The following ZBTB20 variants were observed in gnomAD, a reference collection of about 807,000 sequenced individuals.
The protein encoded by ZBTB20 is zinc finger and BTB domain-containing protein 20.
In ZBTB20, 9 loss-of-function variants were observed where a neutral mutation model predicts 56.9. The observed-to-expected ratio is 0.16, with a 90% CI of 0.10 to 0.28. The LOEUF is 0.28. Ranked by LOEUF, ZBTB20 falls within the 10% of genes least tolerant of loss-of-function variation. The pLI, the probability that ZBTB20 is intolerant of heterozygous loss-of-function variation, is 1.00. For synonymous variants in ZBTB20, 417 were observed against 420.7 expected (o/e 0.99, Z 0.11); for missense variants, 655 against 1,003.0 (o/e 0.65, Z 4.69).
At chr3:114,654,857 A>G (rs1339377475) in intron 6 of ZBTB20, among the ~76,000 whole-genome samples, 1 of 152,190 alleles carries the variant, frequency 6.6e-6, no homozygotes, top group Admixed American at 6.5e-5. Flanking sequence ...TGACTTATGC[A>G]TTCATGATAA....
intron 1 of ZBTB20, chr3:115,100,494 A>G (rs1239760039): frequency 6.6e-6 from 1 of 152,542 alleles, no homozygotes; most frequent in East Asian, 1.9e-4. Context: ...AAGCCCTCCT[A>G]CCAGACAGCA....
chr3:115,120,908 A>G (rs1560587901), intron 1 of ZBTB20, among the ~76,000 whole-genome samples: 1 of 152,088 alleles, frequency 6.6e-6, no homozygotes, highest in South Asian at 2.1e-4. Context: ...CTGCTATGGC[A>G]AAAAATAGCC....
At chr3:115,059,853 T>A (rs2081953933) in intron 2 of ZBTB20, among the ~76,000 whole-genome samples, 1 of 152,190 alleles carries the variant, frequency 6.6e-6, no homozygotes, top group Non-Finnish European at 1.5e-5. Flanking sequence ...CCCTATTATG[T>A]CATACAAATT....
chr3:115,087,588 C>T (rs16823496), intron 1 of ZBTB20, among the ~76,000 whole-genome samples: 13,319 of 151,820 alleles, frequency 0.088, 1,711 homozygotes, highest in African/African-American at 0.28. Flanking sequence ...AGCAAAAAAG[C>T]TGGATTGTCC....
chr3:115,092,516 C>T (rs773581124), intron 1 of ZBTB20, among the ~76,000 whole-genome samples: 3 of 152,048 alleles, frequency 2.0e-5, no homozygotes, highest in Non-Finnish European at 4.4e-5. Flanking sequence ...AGAAATAGGA[C>T]ATATTCTCTG....
At chr3:114,391,021 T>C (rs1191214805) in intron 7 of ZBTB20, among the ~76,000 whole-genome samples, 1 of 152,002 alleles carries the variant, frequency 6.6e-6, no homozygotes, top group Non-Finnish European at 1.5e-5. Flanking sequence ...TCCAATTAGC[T>C]ACCCAATCCT....
intron 2 of ZBTB20, among the ~76,000 whole-genome samples, chr3:115,065,208 G>A (rs2082164603): frequency 1.3e-5 from 2 of 151,892 alleles, no homozygotes. Context: ...TTATAAAAGT[G>A]CTTATTCTCT....
rs1423305679 is a variant in ZBTB20, at chr3:114,380,246, T to C, written c.170A>G (p.Asn57Ser). 1.3e-6 allele frequency: 2 copies of C among 1,536,626 alleles called. No individual in the cohort carries two copies. The highest frequency in any genetic ancestry group is 2.7e-5 in the African/African-American group (2 of 72,886). Reference protein sequence around the residue: ...ALIHSTHSLTNSHAHTGSSDC... With the variant: ...ALIHSTHSLTSSHAHTGSSDC... Reference sequence around the variant, plus strand: ...AGATGACCCGGTGTGAGCGTGAGAGTTTGTCAGTGAATGTGTTGAGTGGAT... The same window carrying C: ...AGATGACCCGGTGTGAGCGTGAGAGCTTGTCAGTGAATGTGTTGAGTGGAT... Residue 57 changes from asparagine to serine, a missense_variant, in exon 10 of 12, where the codon AAC becomes AGC. Asn to Ser is a conservative substitution (Grantham distance 46). Around this residue, in one of 10 missense-constraint regions of ZBTB20, gnomAD observed 79 missense variants for 78.4 expected, o/e 1.01. Coordinates refer to ENST00000675478, the MANE Select transcript of ZBTB20 (RefSeq NM_001348800.3).
At chr3:114,487,028 G>T (rs528848384) in intron 7 of ZBTB20, among the ~76,000 whole-genome samples, 50 of 152,298 alleles carry the variant, frequency 3.3e-4, no homozygotes, top group Admixed American at 2.7e-3. Flanking sequence ...TGTACAAGAT[G>T]CCTCTGCAAG....
At chr3:115,004,970 GT>G (rs768924478) in intron 2 of ZBTB20, among the ~76,000 whole-genome samples, 5 of 151,308 alleles carry the variant, frequency 3.3e-5, no homozygotes, top group Non-Finnish European at 5.9e-5. Context: ...CTTTCCAAAT[GT>G]TAAACAGAGT....
At chr3:114,509,820 A>G (rs1485278830) in intron 6 of ZBTB20, among the ~76,000 whole-genome samples, 8 of 152,126 alleles carry the variant, frequency 5.3e-5, no homozygotes, top group Non-Finnish European at 7.4e-5. Flanking sequence ...AGCCTCTCAC[A>G]ATATCTTTCT....
intron 1 of ZBTB20, chr3:115,144,982 T>G (rs1465631875): frequency 1.3e-5 from 2 of 152,196 alleles, no homozygotes; most frequent in Non-Finnish European, 2.9e-5. Context: ...AATCTCACTT[T>G]TCTTCTTCTC....
At chr3:114,452,059 CAAAAAGAAAAAGA>C (rs1338798754) in intron 7 of ZBTB20, among the ~76,000 whole-genome samples, 2 of 135,552 alleles carry the variant, frequency 1.5e-5, no homozygotes, top group Non-Finnish European at 3.2e-5. Flanking sequence ...AAAAACAGAC[CAAAAAGAAAAAGA>C]AAAAAGAAAA....
intron 7 of ZBTB20, among the ~76,000 whole-genome samples, chr3:114,492,382 C>T (rs1001334397): frequency 1.3e-5 from 2 of 152,214 alleles, no homozygotes; most frequent in African/African-American, 4.8e-5. Flanking sequence ...CTTCTCTCCA[C>T]TCCAGTCCTC....
rs113762305 is a variant in ZBTB20 at position 114,731,730 on chromosome 3, C to G, written c.-342-38155G>C. 5.6e-3 allele frequency among the ~76,000 whole-genome samples: 846 copies of G among 150,480 alleles called. 9 individuals carry two copies. The highest frequency in any genetic ancestry group is 0.02 in the African/African-American group (819 of 40,866). ...CGGCTGTACCTAGATTAGTAACTAA[C>G]CCGGCTGTACCTAGATTAGTAACTA... On this transcript the variant is annotated intron_variant, in intron 5 of 11. Transcript: ENST00000675478.
At chr3:114,675,336 TGCTGGGCCGGG>T (rs2061570842) in intron 6 of ZBTB20, among the ~76,000 whole-genome samples, 1 of 104,406 alleles carries the variant, frequency 9.6e-6, no homozygotes, top group Non-Finnish European at 1.8e-5. Flanking sequence ...GTGTTTTTTT[TGCTGGGCCGGG>T]GGTGGGGAGG....
intron 8 of ZBTB20, among the ~76,000 whole-genome samples, chr3:114,385,348 C>G (rs918792330): frequency 6.6e-6 from 1 of 152,090 alleles, no homozygotes; most frequent in Non-Finnish European, 1.5e-5. Context: ...GCTCCACTAC[C>G]TATTAGCTGT....
At chr3:114,474,926 T>A (rs2040573746) in intron 7 of ZBTB20, among the ~76,000 whole-genome samples, 1 of 152,154 alleles carries the variant, frequency 6.6e-6, no homozygotes, top group Non-Finnish European at 1.5e-5. Flanking sequence ...CCAATCCATT[T>A]TACTCACTGT....
At chr3:114,492,502 A>G (rs1302269892) in intron 7 of ZBTB20, among the ~76,000 whole-genome samples, 2 of 152,158 alleles carry the variant, frequency 1.3e-5, no homozygotes, top group Non-Finnish European at 2.9e-5. Flanking sequence ...ATAACCAACC[A>G]TGAAAAAGTC....
Sources: allele counts gnomAD v4.1 joint callset (sites outside exome capture counted in the v4.1 genomes callset), GRCh38; gene constraint gnomAD v4.1.1; regional missense constraint gnomAD v4.1.1; transcripts MANE v1.5; gene names NCBI Gene and HGNC (gene_info 2026-07-23, HGNC 2026-07-21).